ATM: variants seen among roughly 807,000 people sequenced by gnomAD.
The protein encoded by ATM is serine-protein kinase ATM.
In ATM, 308 loss-of-function variants were observed where a neutral mutation model predicts 387.0. The observed-to-expected ratio is 0.80, with a 90% CI of 0.73 to 0.87. ATM has a LOEUF of 0.87. Among genes scored for constraint, ATM ranks in the 40% least tolerant of loss-of-function variants. The probability of loss-of-function intolerance (pLI) is 0.00; values close to 1 mark genes in which losing one functional copy is unlikely to be tolerated. For missense variants in ATM, 3,312 were observed against 3,560.9 expected, an observed-to-expected ratio of 0.93 and a Z score of 1.78; for synonymous variants, 1,156 against 1,187.3, an observed-to-expected ratio of 0.97 and a Z score of 0.54.
intron 20 of ATM, 126 bp downstream of exon 20, chr11:108,271,532 G>A (rs533851737): frequency 2.4e-5 from 28 of 1,178,548 alleles, no homozygotes; most frequent in Middle Eastern, 4.0e-4. Context: ...TTTAAGAATA[G>A]CAGAATGTAA....
intron 59 of ATM, among the ~76,000 whole-genome samples, chr11:108,352,209 AT>A (rs760430216): frequency 6.6e-6 from 1 of 152,242 alleles, no homozygotes; most frequent in Non-Finnish European, 1.5e-5. Context: ...TGATGTTGGA[AT>A]TATCTAAGAT....
intron 13 of ATM, among the ~76,000 whole-genome samples, chr11:108,255,069 A>G (rs1591538132): frequency 6.6e-6 from 1 of 152,342 alleles, no homozygotes; most frequent in East Asian, 1.9e-4. Context: ...CTCTTGAACT[A>G]TAACTCTTAA....
intron 5 of ATM, among the ~76,000 whole-genome samples, chr11:108,243,266 T>A (rs2079656108): frequency 6.6e-6 from 1 of 152,060 alleles, no homozygotes; most frequent in Admixed American, 6.6e-5. Context: ...ATACCCTTCA[T>A]AGGTCTCAAC....
At chr11:108,281,858 T>C (rs1327248742) in intron 24 of ATM, among the ~76,000 whole-genome samples, 1 of 152,172 alleles carries the variant, frequency 6.6e-6, no homozygotes, top group Non-Finnish European at 1.5e-5. Context: ...ACTTGTTCGG[T>C]GTTTCTTAAA....
In ATM at chr11:108,293,374, C is replaced by T. The variant is rs587781712; in HGVS notation, c.4673C>T (p.Thr1558Met). The change falls in exon 31 of 63, where the codon ACG becomes ATG. Residue 1558 changes from threonine to methionine, a missense_variant. Transcript: ENST00000675843. ...AAGGATAATGAAAACCTCTATATCA[C>T]GATTAAGCTTTTAGATCCTTTTCCT... ...DNKDNENLYI[T>M]IKLLDPFPDH... 1.9e-5 allele frequency: 30 copies of T among 1,600,026 alleles called. No homozygotes were observed. Among genetic ancestry groups the T allele is most frequent in the Middle Eastern group, 1.7e-4 (1 of 6,050 alleles).
At chr11:108,354,450 A>G (rs1297764177) in intron 60 of ATM, among the ~76,000 whole-genome samples, 1 of 152,204 alleles carries the variant, frequency 6.6e-6, no homozygotes, top group South Asian at 2.1e-4. Flanking sequence ...AGTTCCTTGT[A>G]GTTTTCCCAG....
Position 108,343,448 on chromosome 11 carries a change from T to C in ATM, c.8418+77T>C, listed in dbSNP as rs75651990. 3,797 of 1,555,620 alleles carry C rather than the reference T, an allele frequency of 2.4e-3. 68 individuals are homozygous for C. In the African/African-American group the frequency reaches 0.037, roughly 15 times the overall value. ...TAAAGCTGACAGCTGTCAGATATTATAGAATACAAAAAAACTTTAATTTCA... is the reference window on the plus strand; with the variant it reads ...TAAAGCTGACAGCTGTCAGATATTACAGAATACAAAAAAACTTTAATTTCA... On this transcript the variant is annotated intron_variant, in intron 57 of 62. Coordinates refer to ENST00000675843, the MANE Select transcript of ATM (RefSeq NM_000051.4).
rs1555070980 is a variant in ATM at position 108,250,907 on chromosome 11, T to G, written c.1442T>G (p.Leu481Ter). The stretch of plus-strand genomic sequence containing the variant: ...GAAAGCTCACAAAAGTCAGATTTAT[T>G]AAAACTCTGGAATAAAATTTGGTGT... ...NLESSQKSDLLKLWNKIWCIT... is the reference protein window; with the variant it reads ...NLESSQKSDL The change falls in exon 10 of 63, where the codon TTA becomes TGA. Residue 481 changes from leucine (L) to a stop codon, truncating the protein, a stop_gained. Coordinates refer to ENST00000675843, the MANE Select transcript of ATM (RefSeq NM_000051.4). LOFTEE classifies it high-confidence loss of function. 1.2e-6 allele frequency: 2 copies of G among 1,614,062 alleles called. No individual in the cohort carries two copies. The highest frequency in any genetic ancestry group is 1.3e-5 in the African/African-American group (1 of 74,924).
chr11:108,336,156 A>T, intron 56 of ATM, 195 bp downstream of exon 56: 1 of 493,848 alleles, frequency 2.0e-6, no homozygotes, highest in Non-Finnish European at 3.7e-6. Context: ...AAAAAAAAAA[A>T]GCCAGAGATG....
chr11:108,256,046 C>G (rs1214065495), intron 13 of ATM, among the ~76,000 whole-genome samples, 169 bp from the exon 14 acceptor site: 1 of 152,142 alleles, frequency 6.6e-6, no homozygotes, highest in Non-Finnish European at 1.5e-5. Context: ...GGTTATAATT[C>G]TACAGTGATC....
At chr11:108,360,316 A>C (rs1440678662) in intron 61 of ATM, among the ~76,000 whole-genome samples, 27 of 150,360 alleles carry the variant, frequency 1.8e-4, no homozygotes, top group African/African-American at 3.2e-4. Flanking sequence ...AGTTTACCAA[A>C]CAAAAAGAGT....
rs587781361 is a variant in ATM, at chr11:108,330,264, G to A, written c.7358G>A (p.Arg2453His). Residue 2453 changes from arginine (R) to histidine (H), a missense_variant, in exon 50 of 63, where the codon CGT becomes CAT. By Grantham distance (29) the Arg-to-His change is conservative. Transcript: ENST00000675843. ...CTGGAGTTGGATGAATTAGCCCTGC[G>A]TGCACTGAAAGAGGATCGTAAACGC... Reference protein sequence around the residue: ...RELELDELALRALKEDRKRFL... With the variant: ...RELELDELALHALKEDRKRFL... The A allele has an allele frequency of 1.9e-5, 31 of 1,614,020 alleles. No individual in the cohort carries two copies. Among genetic ancestry groups the A allele is most frequent in the South Asian group, 1.3e-4 (12 of 91,090 alleles).
chr11:108,335,735 G>T, intron 55 of ATM, 110 bp from the exon 56 acceptor site: 1 of 771,228 alleles, frequency 1.3e-6, no homozygotes, highest in Non-Finnish European at 2.3e-6. Context: ...CTGTCAAGAG[G>T]TGCACAGATG....
rs371021126 is a variant in ATM, at chr11:108,335,847, C to T, written c.8154C>T (p.Gly2718=). Residue 2718 remains glycine (G), a splice_region_variant and synonymous_variant, in exon 56 of 63, where the codon GGC becomes GGT. Transcript: ENST00000675843. ...DGKERRQLVK[G]RDDLRQDAVM... ...ATTCATGCTTAATTATTCTGAAGGG[C>T]CGTGATGACCTGAGACAAGATGCTG... The T allele has an allele frequency of 1.3e-5, 21 of 1,611,454 alleles. No homozygotes were observed. The African/African-American group carries it at 2.8e-4, about 22-fold the overall frequency.
chr11:108,291,175 G>T (rs1465694079), intron 29 of ATM, among the ~76,000 whole-genome samples: 2 of 151,776 alleles, frequency 1.3e-5, no homozygotes, highest in Non-Finnish European at 1.5e-5. Flanking sequence ...GGCAGATCTT[G>T]CAGTGAGTCT....
At chr11:108,311,421 C>A (rs2084146391) in intron 39 of ATM, among the ~76,000 whole-genome samples, 1 of 152,088 alleles carries the variant, frequency 6.6e-6, no homozygotes, top group African/African-American at 2.4e-5. Context: ...GAAGGTTGGG[C>A]ACAGTGGCTC....
chr11:108,244,713 C>T, intron 6 of ATM, 75 bp from the exon 7 acceptor site: 3 of 1,129,042 alleles, frequency 2.7e-6, no homozygotes, highest in Non-Finnish European at 4.0e-6. Flanking sequence ...TTTCAGCATA[C>T]CACTTCATAA....
chr11:108,273,845 T>G (rs567762631), intron 22 of ATM, among the ~76,000 whole-genome samples: 2 of 152,328 alleles, frequency 1.3e-5, no homozygotes, highest in South Asian at 4.1e-4. Context: ...CTTTTTCTTG[T>G]GTCTCTGCCA....
chr11:108,311,434 G>A (rs994810245), intron 39 of ATM, among the ~76,000 whole-genome samples: 1 of 152,142 alleles, frequency 6.6e-6, no homozygotes, highest in Admixed American at 6.5e-5. Flanking sequence ...AGTGGCTCAC[G>A]CATGTAATCC....
Sources: allele counts gnomAD v4.1 joint callset (sites outside exome capture counted in the v4.1 genomes callset), GRCh38; gene constraint gnomAD v4.1.1; transcripts MANE v1.5; gene names NCBI Gene and HGNC (gene_info 2026-07-23, HGNC 2026-07-21).